The following L3MBTL3 variants were observed in gnomAD, a reference collection of about 807,000 sequenced individuals.
L3MBTL3 encodes lethal(3)malignant brain tumor-like protein 3.
A neutral mutation model predicts 102.3 loss-of-function variants in L3MBTL3; 27 were observed. The ratio of observed to expected loss-of-function variants is 0.26; its 90% CI spans 0.19 to 0.36. The LOEUF (loss-of-function observed/expected upper bound fraction) is 0.36, where lower values mean the gene tolerates loss of function less well. L3MBTL3 is among the 10% of genes least tolerant of loss of function. L3MBTL3 has a pLI of 1.00. For synonymous variants in L3MBTL3, 340 were observed against 320.9 expected (o/e 1.06, Z -0.64); for missense variants, 798 against 955.3 (o/e 0.84, Z 2.17).
chr6:130,055,491 T>C (rs1435650719), intron 8 of L3MBTL3, among the ~76,000 whole-genome samples: 5 of 125,246 alleles, frequency 4.0e-5, no homozygotes, highest in East Asian at 2.7e-4. Context: ...TCCCTCCCTC[T>C]CTCCCTCCCT....
At chr6:130,117,142 T>G (rs1785764479) in intron 19 of L3MBTL3, among the ~76,000 whole-genome samples, 1 of 97,682 alleles carries the variant, frequency 1.0e-5, no homozygotes, top group Admixed American at 1.3e-4. Context: ...CCCACCACAG[T>G]CCCCAGAGTG....
chr6:130,043,565 G>A (rs974490859), intron 3 of L3MBTL3, among the ~76,000 whole-genome samples: 1 of 152,144 alleles, frequency 6.6e-6, no homozygotes, highest in Non-Finnish European at 1.5e-5. Context: ...ACCTTGAACC[G>A]GTCTGTGGCC....
intron 7 of L3MBTL3, 38 bp from the exon 8 acceptor site, chr6:130,055,132 CT>C (rs1345701680): frequency 3.3e-6 from 5 of 1,521,042 alleles, no homozygotes; most frequent in Non-Finnish European, 3.7e-6. Context: ...GTGCCAATTT[CT>C]TGAACTTTAA....
chr6:130,107,087 C>T (rs1247519469), intron 19 of L3MBTL3, among the ~76,000 whole-genome samples: 2 of 152,144 alleles, frequency 1.3e-5, no homozygotes, highest in Non-Finnish European at 2.9e-5. Flanking sequence ...GAGTGAGAAG[C>T]AGTGGTAGGA....
intron 3 of L3MBTL3, among the ~76,000 whole-genome samples, chr6:130,046,235 AG>A (rs1413775992): frequency 2.0e-5 from 3 of 152,180 alleles, no homozygotes; most frequent in Non-Finnish European, 4.4e-5. Context: ...GTTAGCCAAG[AG>A]CAAGACCCTG....
At chr6:130,093,022 T>C (rs1784152356) in intron 17 of L3MBTL3, among the ~76,000 whole-genome samples, 163 bp downstream of exon 17, 1 of 152,132 alleles carries the variant, frequency 6.6e-6, no homozygotes, top group Non-Finnish European at 1.5e-5. Context: ...GTCACAGAAA[T>C]ATAAATGGAA....
chr6:130,088,550 T>TA (rs1053219698), intron 16 of L3MBTL3, among the ~76,000 whole-genome samples: 23 of 152,206 alleles, frequency 1.5e-4, no homozygotes, highest in African/African-American at 5.1e-4. Flanking sequence ...GCTATTATAG[T>TA]AAAACATTTT....
At chr6:130,018,705 A>C (rs1163070128) in intron 1 of L3MBTL3, 41 bp downstream of exon 1, 1 of 152,416 alleles carries the variant, frequency 6.6e-6, no homozygotes, top group African/African-American at 2.4e-5. Flanking sequence ...AATTAATCTG[A>C]AGATTTGTCC....
chr6:130,079,956 G>A (rs1364754319), intron 14 of L3MBTL3, among the ~76,000 whole-genome samples: 2 of 152,098 alleles, frequency 1.3e-5, no homozygotes, highest in African/African-American at 2.4e-5. Flanking sequence ...ATCATGAAGG[G>A]TTAAAGCAAA....
intron 6 of L3MBTL3, among the ~76,000 whole-genome samples, chr6:130,052,468 T>C (rs892904124): frequency 4.6e-5 from 7 of 152,222 alleles, no homozygotes; most frequent in Non-Finnish European, 5.9e-5. Context: ...CTTTTTTCAA[T>C]TGGATTTGTC....
rs755285789 is a variant in L3MBTL3 at position 130,042,661 on chromosome 6, A to G, written c.-15-24A>G. 18 of 1,306,438 alleles carry G rather than the reference A, an allele frequency of 1.4e-5. No homozygotes were observed. The South Asian group carries it at 1.8e-4, about 13-fold the overall frequency. 80.9% of individuals were successfully genotyped at this position (1,306,438 alleles called of 1,614,324 possible). Reference sequence around the variant, plus strand: ...AGATTTCCATGTGGAATATTTAGTGATATGCCTTCTTTTCCCCTTTCAGGT... The same window carrying G: ...AGATTTCCATGTGGAATATTTAGTGGTATGCCTTCTTTTCCCCTTTCAGGT... On this transcript the variant is annotated intron_variant, in intron 2 of 22. Coordinates refer to ENST00000361794, the MANE Select transcript of L3MBTL3 (RefSeq NM_032438.4).
chr6:130,025,325 A>G (rs1779276602), intron 2 of L3MBTL3, among the ~76,000 whole-genome samples: 1 of 152,216 alleles, frequency 6.6e-6, no homozygotes. Flanking sequence ...ATTATCTAAC[A>G]GGAATATTCT....
intron 14 of L3MBTL3, among the ~76,000 whole-genome samples, chr6:130,082,837 T>C (rs1382751304): frequency 1.3e-5 from 2 of 152,236 alleles, no homozygotes; most frequent in Admixed American, 6.5e-5. Flanking sequence ...CTGTGTCTGT[T>C]TATATATTGA....
rs372878819 is a variant in L3MBTL3, at chr6:130,092,841, C to T, written c.1615C>T (p.Pro539Ser). ...PVGWCSKTGH[P>S]LQPPLSPLEL... ...AGGCTGGTGTTCAAAAACAGGACAT[C>T]CCCTTCAGCCTCCTTTGAGTAAGAG... The change falls in exon 17 of 23, where the codon CCC becomes TCC. Residue 539 changes from proline to serine, a missense_variant. By Grantham distance (74) the Pro-to-Ser change is moderately conservative (BLOSUM62 -1). This residue lies in a region of L3MBTL3 where 306 missense variants were observed against 314.4 expected (regional missense o/e 0.97). Transcript: ENST00000361794. 5.6e-6 allele frequency: 9 copies of T among 1,600,756 alleles called. No homozygotes were observed. In the East Asian group the frequency reaches 2.0e-4, roughly 36 times the overall value.
intron 2 of L3MBTL3, among the ~76,000 whole-genome samples, chr6:130,036,718 T>C (rs1452906131): frequency 2.6e-5 from 4 of 152,224 alleles, no homozygotes; most frequent in African/African-American, 9.6e-5. Context: ...ATTTTGTTAG[T>C]AAGCATGTAC....
Position 130,108,220 on chromosome 6 carries a change from G to GTTTTTTTTTTTTTTTTTTTTTT in L3MBTL3, c.1886+3655_1886+3656insTTTTTTTTTTTTTTTTTTTTTT, listed in dbSNP as rs376419261. 1.7e-5 allele frequency among the ~76,000 whole-genome samples: 2 copies of GTTTTTTTTTTTTTTTTTTTTTT among 118,704 alleles called. 1 individual carries two copies. Among genetic ancestry groups the GTTTTTTTTTTTTTTTTTTTTTT allele is most frequent in the Non-Finnish European group, 3.6e-5 (2 of 56,148 alleles). The allele number at this position is 118,704 out of a possible 152,430, so 77.9% of individuals were successfully genotyped here. A position where few individuals can be genotyped will look rare whatever the true frequency, so the allele number is the denominator to read the frequency against. On this transcript the variant is annotated intron_variant, in intron 19 of 22. Coordinates refer to ENST00000361794, the MANE Select transcript of L3MBTL3 (RefSeq NM_032438.4). ...ATAAGCCCTCAATAAATGTTAGGTG[G>GTTTTTTTTTTTTTTTTTTTTTT]TTTTTTTTTTGTTTTTTTTTTTTTT...
At chr6:130,042,834 G>A in intron 3 of L3MBTL3, 33 bp downstream of exon 3, 4 of 1,329,016 alleles carry the variant, frequency 3.0e-6, no homozygotes, top group South Asian at 1.2e-5. Context: ...AATTATGTGT[G>A]TGTGCATCTG....
chr6:130,083,568 T>C, intron 14 of L3MBTL3, 52 bp from the exon 15 acceptor site: 1 of 750,954 alleles, frequency 1.3e-6, no homozygotes, highest in Non-Finnish European at 2.2e-6. Context: ...AGTTTGTTAT[T>C]CTTGCTATCA....
At chr6:130,056,344 G>A (rs1781508598) in intron 8 of L3MBTL3, among the ~76,000 whole-genome samples, 1 of 152,076 alleles carries the variant, frequency 6.6e-6, no homozygotes, top group Non-Finnish European at 1.5e-5. Flanking sequence ...TATTCTGTGT[G>A]GACCTTGGGT....
Sources: allele counts gnomAD v4.1 joint callset (sites outside exome capture counted in the v4.1 genomes callset), GRCh38; gene constraint gnomAD v4.1.1; regional missense constraint gnomAD v4.1.1; transcripts MANE v1.5; gene names NCBI Gene and HGNC (gene_info 2026-07-23, HGNC 2026-07-21).